The following IMMP2L variants were observed in gnomAD, a reference collection of about 807,000 sequenced individuals.
The protein encoded by IMMP2L is inner mitochondrial membrane peptidase subunit 2.
Under a neutral mutation model 19.3 loss-of-function variants are expected in IMMP2L, and 18 were observed. The observed-to-expected ratio is 0.93, with a 90% CI of 0.64 to 1.38. The LOEUF is 1.38. Among genes scored for constraint, IMMP2L ranks in the 40% most tolerant of loss-of-function variants. IMMP2L has a pLI of 0.00. For missense variants in IMMP2L, 233 were observed against 218.2 expected, an observed-to-expected ratio of 1.07 and a Z score of -0.43; for synonymous variants, 76 against 73.0, an observed-to-expected ratio of 1.04 and a Z score of -0.21.
intron 4 of IMMP2L, among the ~76,000 whole-genome samples, chr7:110,952,544 T>C (rs1817940048): frequency 2.0e-5 from 3 of 152,114 alleles, no homozygotes; most frequent in Admixed American, 6.6e-5. Flanking sequence ...CTGAGGTTCA[T>C]GGTAGAACTA....
chr7:111,340,699 A>C (rs554848970), intron 3 of IMMP2L, among the ~76,000 whole-genome samples: 33 of 152,272 alleles, frequency 2.2e-4, no homozygotes, highest in African/African-American at 7.0e-4. Context: ...TCTATTAACA[A>C]GAGGATGGAA....
intron 3 of IMMP2L, among the ~76,000 whole-genome samples, chr7:111,219,550 T>C (rs1356934248): frequency 2.6e-5 from 4 of 152,060 alleles, no homozygotes. Context: ...TCACATATTA[T>C]TCAAATTAAG....
At chr7:111,218,460 T>G (rs1284541801) in intron 3 of IMMP2L, among the ~76,000 whole-genome samples, 1 of 151,226 alleles carries the variant, frequency 6.6e-6, no homozygotes, top group Non-Finnish European at 1.5e-5. Flanking sequence ...TTTTATCAGT[T>G]TTTTTTTTCC....
intron 3 of IMMP2L, among the ~76,000 whole-genome samples, chr7:111,190,969 A>T (rs150908901): frequency 8.3e-4 from 127 of 152,258 alleles, no homozygotes; most frequent in African/African-American, 2.9e-3. Flanking sequence ...CATAGCAAAC[A>T]TCAATAATAC....
intron 4 of IMMP2L, among the ~76,000 whole-genome samples, chr7:110,911,263 G>C (rs1034850419): frequency 3.9e-5 from 6 of 151,962 alleles, no homozygotes; most frequent in African/African-American, 1.4e-4. Flanking sequence ...ACATCTGAAA[G>C]ACAAAAGTTA....
At chr7:111,209,396 C>T in intron 3 of IMMP2L, among the ~76,000 whole-genome samples, 1 of 88,570 alleles carries the variant, frequency 1.1e-5, no homozygotes, top group East Asian at 3.4e-4. Context: ...GACTCCTTCT[C>T]AAAAAAAAAA....
intron 3 of IMMP2L, among the ~76,000 whole-genome samples, chr7:111,478,759 T>G (rs1353208598): frequency 1.3e-5 from 2 of 152,144 alleles, no homozygotes; most frequent in Non-Finnish European, 2.9e-5. Context: ...TGTCTAATCA[T>G]TCCAATATCT....
intron 4 of IMMP2L, among the ~76,000 whole-genome samples, chr7:110,934,004 G>A (rs564390654): frequency 9.2e-5 from 14 of 152,130 alleles, no homozygotes; most frequent in East Asian, 5.8e-4. Flanking sequence ...TCTAAACACC[G>A]CATTAGCTGT....
chr7:111,535,924 C>A (rs1847847824), intron 1 of IMMP2L, among the ~76,000 whole-genome samples: 1 of 152,112 alleles, frequency 6.6e-6, no homozygotes, highest in Admixed American at 6.5e-5. Flanking sequence ...AATCAGCAAT[C>A]TTCAGAGTAA....
At chr7:110,916,188 T>A (rs1813599432) in intron 4 of IMMP2L, among the ~76,000 whole-genome samples, 1 of 152,236 alleles carries the variant, frequency 6.6e-6, no homozygotes. Flanking sequence ...AACAGGACAC[T>A]GCAGTCACTG....
At chr7:110,702,346 T>C (rs912298726) in intron 5 of IMMP2L, among the ~76,000 whole-genome samples, 1 of 152,186 alleles carries the variant, frequency 6.6e-6, no homozygotes, top group African/African-American at 2.4e-5. Context: ...TATATACATA[T>C]ACATGTTCAC....
chr7:110,820,449 T>C (rs534720711), intron 5 of IMMP2L, among the ~76,000 whole-genome samples: 95 of 152,158 alleles, frequency 6.2e-4, no homozygotes, highest in African/African-American at 2.2e-3. Flanking sequence ...TAAAGTAGCT[T>C]ATGGAATATC....
chr7:110,753,794 G>A (rs889761559), intron 5 of IMMP2L, among the ~76,000 whole-genome samples: 3 of 150,758 alleles, frequency 2.0e-5, no homozygotes, highest in Admixed American at 6.6e-5. Context: ...AGTAGAAGAC[G>A]AAAAAAGACA....
chr7:110,745,597 C>A (rs1215020372), intron 5 of IMMP2L, among the ~76,000 whole-genome samples: 1 of 152,172 alleles, frequency 6.6e-6, no homozygotes, highest in Non-Finnish European at 1.5e-5. Flanking sequence ...GGCCAATATT[C>A]AACATTCTTA....
At chr7:111,014,420 T>C (rs1266465344) in intron 3 of IMMP2L, among the ~76,000 whole-genome samples, 1 of 152,106 alleles carries the variant, frequency 6.6e-6, no homozygotes, top group Non-Finnish European at 1.5e-5. Flanking sequence ...CTTATGTATG[T>C]ACAAATTACA....
At chr7:111,112,154 G>C (rs1799312323) in intron 3 of IMMP2L, among the ~76,000 whole-genome samples, 1 of 151,714 alleles carries the variant, frequency 6.6e-6, no homozygotes, top group Non-Finnish European at 1.5e-5. Context: ...TTTTAGCAGA[G>C]ACTGGGTTTC....
At chr7:111,156,826 T>C (rs1199497668) in intron 3 of IMMP2L, among the ~76,000 whole-genome samples, 1 of 152,028 alleles carries the variant, frequency 6.6e-6, no homozygotes, top group African/African-American at 2.4e-5. Context: ...TGAAGTCTTC[T>C]AGGCCTGAGA....
intron 3 of IMMP2L, among the ~76,000 whole-genome samples, chr7:111,055,548 A>G (rs543731469): frequency 6.6e-6 from 1 of 152,248 alleles, no homozygotes; most frequent in African/African-American, 2.4e-5. Flanking sequence ...CGCACTATCT[A>G]ACTTTCTGCT....
rs548942436 is a variant in IMMP2L, at chr7:110,962,973, C to T, written c.305+527G>A. On this transcript the variant is annotated intron_variant, in intron 4 of 5. Transcript: ENST00000405709. ...GATTTATCAGCAAGTACAATAAATA[C>T]GACATTACTAAAGGCTGCTTAAACA... is the stretch of plus-strand genomic sequence containing the variant. 1.1e-4 allele frequency: 157 copies of T among 1,469,456 alleles called. No individual in the cohort carries two copies. The African/African-American group carries it at 1.8e-3, about 17-fold the overall frequency. 91.0% of individuals were successfully genotyped at this position (1,469,456 alleles called of 1,614,324 possible). A position where few individuals can be genotyped will look rare whatever the true frequency, so the allele number is the denominator to read the frequency against.
Sources: allele counts gnomAD v4.1 joint callset (sites outside exome capture counted in the v4.1 genomes callset), GRCh38; gene constraint gnomAD v4.1.1; transcripts MANE v1.5; gene names NCBI Gene and HGNC (gene_info 2026-07-23, HGNC 2026-07-21).